ASTN2: variants seen among roughly 807,000 people sequenced by gnomAD.
ASTN2 encodes astrotactin-2.
ASTN2 carries 54 observed loss-of-function variants against 139.8 expected under a neutral mutation model. The observed-to-expected ratio is 0.39, with a 90% CI of 0.31 to 0.48. The LOEUF (loss-of-function observed/expected upper bound fraction) is 0.48, where lower values mean the gene tolerates loss of function less well. Ranked by LOEUF, ASTN2 falls within the 20% of genes least tolerant of loss-of-function variation. The probability of loss-of-function intolerance (pLI) is 0.95; values close to 1 mark genes in which losing one functional copy is unlikely to be tolerated. For missense variants in ASTN2, 1,565 were observed against 1,725.1 expected (o/e 0.91, Z 1.64); for synonymous variants, 756 against 719.5 (o/e 1.05, Z -0.81).
intron 16 of ASTN2, among the ~76,000 whole-genome samples, chr9:116,675,706 C>G (rs1859460803): frequency 6.6e-6 from 1 of 152,138 alleles, no homozygotes. Context: ...TGCTGGAAGT[C>G]CAGCAGGCTT....
chr9:117,192,948 T>A (rs546604100), intron 3 of ASTN2, among the ~76,000 whole-genome samples: 2 of 152,330 alleles, frequency 1.3e-5, no homozygotes, highest in South Asian at 4.1e-4. Context: ...CTGTATAAAA[T>A]AAAGCAGCTA....
chr9:116,487,623 A>G, intron 19 of ASTN2, 123 bp from the exon 20 acceptor site: 1 of 967,536 alleles, frequency 1.0e-6, no homozygotes, highest in Non-Finnish European at 1.5e-6. Flanking sequence ...GGATAGAAAA[A>G]GCAAAAGATA....
intron 17 of ASTN2, among the ~76,000 whole-genome samples, chr9:116,631,015 A>C (rs1856719915): frequency 6.6e-6 from 1 of 152,200 alleles, no homozygotes; most frequent in Non-Finnish European, 1.5e-5. Flanking sequence ...ATATCATCTC[A>C]CTCCAATTTG....
At chr9:117,256,201 C>T (rs926373721) in intron 2 of ASTN2, among the ~76,000 whole-genome samples, 4 of 152,064 alleles carry the variant, frequency 2.6e-5, no homozygotes, top group African/African-American at 9.7e-5. Flanking sequence ...ACCCAGGACT[C>T]GCCTTATACC....
chr9:116,498,027 G>C (rs1468568784), intron 19 of ASTN2, among the ~76,000 whole-genome samples: 1 of 152,142 alleles, frequency 6.6e-6, no homozygotes, highest in Non-Finnish European at 1.5e-5. Context: ...GCTGACGGTG[G>C]GCCCTAGGAG....
intron 22 of ASTN2, among the ~76,000 whole-genome samples, chr9:116,429,636 C>A (rs1298794822): frequency 6.6e-6 from 1 of 152,204 alleles, no homozygotes; most frequent in Non-Finnish European, 1.5e-5. Context: ...CCATCACTCT[C>A]ATTGTCATCA....
At chr9:117,206,633 C>T (rs57804757) in intron 3 of ASTN2, among the ~76,000 whole-genome samples, 2,712 of 152,260 alleles carry the variant, frequency 0.018, 71 homozygotes, top group African/African-American at 0.062. Flanking sequence ...TGTCACAAGC[C>T]CAGCTTTACA....
chr9:116,911,206 T>C (rs1834300540), intron 10 of ASTN2, among the ~76,000 whole-genome samples: 1 of 152,302 alleles, frequency 6.6e-6, no homozygotes, highest in African/African-American at 2.4e-5. Flanking sequence ...ATGCCCAGGA[T>C]AAGAGCTTTC....
intron 6 of ASTN2, among the ~76,000 whole-genome samples, chr9:117,017,142 G>T (rs898613738): frequency 1.3e-5 from 2 of 151,942 alleles, no homozygotes; most frequent in Non-Finnish European, 2.9e-5. Context: ...TAGGCAATGG[G>T]AAAAGAATAA....
At chr9:116,508,951 C>A (rs1446172305) in intron 19 of ASTN2, among the ~76,000 whole-genome samples, 2 of 152,108 alleles carry the variant, frequency 1.3e-5, no homozygotes, top group Non-Finnish European at 2.9e-5. Context: ...AGTGTGGGCT[C>A]AGCATCTACA....
intron 7 of ASTN2, among the ~76,000 whole-genome samples, chr9:117,004,586 G>T (rs549767958): frequency 6.6e-6 from 1 of 152,260 alleles, no homozygotes; most frequent in South Asian, 2.1e-4. Context: ...CCCATTGAGA[G>T]GTGAAGAAAT....
Position 117,232,772 on chromosome 9 carries a change from C to T in ASTN2, c.631-18030G>A, listed in dbSNP as rs146557319. On this transcript the variant is annotated intron_variant, in intron 2 of 22. Transcript: ENST00000313400. ...CACCAGAAACTCTATTGTCTCTTCT[C>T]CCTTTGTTGGGAGCAATTTTTTTTC... 5.9e-5 allele frequency among the ~76,000 whole-genome samples: 9 copies of T among 152,246 alleles called. No homozygotes were observed. In the South Asian group the frequency reaches 1.7e-3, roughly 28 times the overall value.
chr9:117,190,573 C>T (rs1395794290), intron 3 of ASTN2, among the ~76,000 whole-genome samples: 1 of 152,106 alleles, frequency 6.6e-6, no homozygotes, highest in East Asian at 1.9e-4. Context: ...ACCACTGCTC[C>T]TATAACCCAA....
chr9:117,154,979 C>T (rs146669892), intron 3 of ASTN2, among the ~76,000 whole-genome samples: 1 of 152,090 alleles, frequency 6.6e-6, no homozygotes, highest in East Asian at 1.9e-4. Context: ...GGAGAGAGCC[C>T]ATAGCTTGTC....
chr9:117,086,530 T>C (rs1828566926), intron 5 of ASTN2, among the ~76,000 whole-genome samples: 1 of 152,120 alleles, frequency 6.6e-6, no homozygotes, highest in African/African-American at 2.4e-5. Context: ...GCTGAGATCG[T>C]ACCATTGCAC....
rs1463023277 is a variant in ASTN2 at position 116,764,187 on chromosome 9, T to A, written c.2397-30664A>T. Among the ~76,000 whole-genome samples the A allele has an allele frequency of 3.9e-5, 6 of 152,204 alleles. No homozygotes were observed. In the East Asian group the frequency reaches 1.2e-3, roughly 29 times the overall value. On this transcript the variant is annotated intron_variant, in intron 13 of 22. Transcript: ENST00000313400. ...CAGGTTCCCTTCAAGCGGGGACTGGTCCCAGATGCTGCCTGTGTCGCTAGC... is the reference window on the plus strand; with the variant it reads ...CAGGTTCCCTTCAAGCGGGGACTGGACCCAGATGCTGCCTGTGTCGCTAGC...
chr9:117,163,783 C>A lies in ASTN2; in HGVS notation c.1016-22305G>T, dbSNP rs1004421885. On this transcript the variant is annotated intron_variant, in intron 3 of 22. Coordinates refer to ENST00000313400, the MANE Select transcript of ASTN2 (RefSeq NM_001365068.1). ...CATTAATAAGTCTTTTTTCCCCCAACGGGTTAAGTACTTTTGCTATATATT... is the reference window on the plus strand; with the variant it reads ...CATTAATAAGTCTTTTTTCCCCCAAAGGGTTAAGTACTTTTGCTATATATT... 7.9e-5 allele frequency among the ~76,000 whole-genome samples: 12 copies of A among 151,946 alleles called. No homozygotes were observed. The East Asian group carries it at 2.3e-3, about 30-fold the overall frequency.
chr9:116,936,854 A>T (rs547459030), intron 10 of ASTN2, among the ~76,000 whole-genome samples: 1 of 152,322 alleles, frequency 6.6e-6, no homozygotes, highest in Non-Finnish European at 1.5e-5. Flanking sequence ...AAAAGAAAAA[A>T]TGATGAGCAA....
chr9:116,566,840 G>C (rs1853257360), intron 19 of ASTN2, among the ~76,000 whole-genome samples: 1 of 152,114 alleles, frequency 6.6e-6, no homozygotes, highest in Non-Finnish European at 1.5e-5. Flanking sequence ...CAGCAGCCTG[G>C]GATGCTTCTG....
Sources: allele counts gnomAD v4.1 joint callset (sites outside exome capture counted in the v4.1 genomes callset), GRCh38; gene constraint gnomAD v4.1.1; transcripts MANE v1.5; gene names NCBI Gene and HGNC (gene_info 2026-07-23, HGNC 2026-07-21).